IQUB: variants seen among roughly 807,000 people sequenced by gnomAD.
IQUB encodes the protein IQ motif and ubiquitin domain containing.
In IQUB, 86 loss-of-function variants were observed where a neutral mutation model predicts 86.4. The ratio of observed to expected loss-of-function variants is 1.00; its 90% CI spans 0.84 to 1.19. The LOEUF (loss-of-function observed/expected upper bound fraction) is 1.19. Ranked by LOEUF, IQUB falls within the 50% of genes most tolerant of loss-of-function variation. IQUB has a pLI of 0.00. For missense variants in IQUB, 946 were observed against 916.9 expected (o/e 1.03, Z -0.41); for synonymous variants, 289 against 304.5 (o/e 0.95, Z 0.53).
intron 7 of IQUB, among the ~76,000 whole-genome samples, chr7:123,491,783 C>T (rs995944137): frequency 6.6e-6 from 1 of 152,148 alleles, no homozygotes; most frequent in African/African-American, 2.4e-5. Flanking sequence ...TCTACACGAA[C>T]TGTTTTAGAA....
chr7:123,468,456 C>T (rs768099299), intron 9 of IQUB, among the ~76,000 whole-genome samples: 1 of 152,198 alleles, frequency 6.6e-6, no homozygotes. Context: ...TGACAACTCT[C>T]AAGCGAGGCT....
chr7:123,520,823 C>T (rs1796870380), intron 1 of IQUB, among the ~76,000 whole-genome samples: 1 of 151,920 alleles, frequency 6.6e-6, no homozygotes, highest in African/African-American at 2.4e-5. Context: ...TGACTGGATT[C>T]TGGATATATT....
chr7:123,478,281 A>T (rs1794835020), intron 8 of IQUB, among the ~76,000 whole-genome samples: 1 of 152,132 alleles, frequency 6.6e-6, no homozygotes, highest in Admixed American at 6.5e-5. Flanking sequence ...CTTTGCAGGG[A>T]TGAAGCTGGA....
chr7:123,499,774 A>T (rs573960504), intron 6 of IQUB, among the ~76,000 whole-genome samples: 2 of 152,206 alleles, frequency 1.3e-5, no homozygotes, highest in Admixed American at 6.5e-5. Context: ...TGTGAACCAG[A>T]GCAACTCCAT....
At chr7:123,510,082 G>T (rs746370126) in intron 2 of IQUB, 47 bp from the exon 3 acceptor site, 2 of 1,297,372 alleles carry the variant, frequency 1.5e-6, no homozygotes, top group Non-Finnish European at 2.2e-6. Context: ...ATATAGCAAA[G>T]GTCAGCAAAC....
chr7:123,523,920 A>G (rs1251423931), intron 1 of IQUB, among the ~76,000 whole-genome samples: 4 of 152,224 alleles, frequency 2.6e-5, no homozygotes, highest in Non-Finnish European at 5.9e-5. Context: ...CTTTCTCCAT[A>G]TGGCTAGCCA....
Position 123,512,267 on chromosome 7 carries a change from T to C in IQUB, c.74A>G (p.Asp25Gly). Residue 25 changes from aspartate to glycine, a missense_variant, in exon 2 of 13, where the codon GAT becomes GGT. Physicochemically the swap from Asp to Gly is moderately conservative, Grantham distance 94. Transcript: ENST00000324698. ...NSTEESDDAF[D>G]TVTIPVPSEE... ...TGAGGGAACTGGAATAGTGACAGTA[T>C]CAAAAGCATCATCACTCTCTTCTGT... 2 of 1,611,724 alleles carry C rather than the reference T, an allele frequency of 1.2e-6. No homozygotes were observed. Among genetic ancestry groups the C allele is most frequent in the Middle Eastern group, 1.7e-4 (1 of 6,056 alleles).
Position 123,525,261 on chromosome 7 carries a change from G to C in IQUB, c.-5+9231C>G, listed in dbSNP as rs555418120. 7.2e-4 allele frequency among the ~76,000 whole-genome samples: 110 copies of C among 152,132 alleles called. 3 individuals carry two copies. In the South Asian group the frequency reaches 0.022, roughly 31 times the overall value. ...CCCTCTTTTTCTATTGATCGGAATAGTTTCAGAAGGAATGGTACCATTTCC... is the reference window on the plus strand; with the variant it reads ...CCCTCTTTTTCTATTGATCGGAATACTTTCAGAAGGAATGGTACCATTTCC... On this transcript the variant is annotated intron_variant, in intron 1 of 12. Coordinates refer to ENST00000324698, the MANE Select transcript of IQUB (RefSeq NM_178827.5).
At chr7:123,482,713 G>C (rs1388314313) in intron 7 of IQUB, among the ~76,000 whole-genome samples, 1 of 151,968 alleles carries the variant, frequency 6.6e-6, no homozygotes, top group East Asian at 1.9e-4. Flanking sequence ...AAGTAGGAGG[G>C]ATTTATAAAA....
chr7:123,467,679 T>G (rs1794326086), intron 9 of IQUB, among the ~76,000 whole-genome samples: 1 of 152,206 alleles, frequency 6.6e-6, no homozygotes, highest in Non-Finnish European at 1.5e-5. Flanking sequence ...TGGCACAGCC[T>G]CACTACCCTT....
chr7:123,481,819 A>G (rs1795017795), intron 7 of IQUB, among the ~76,000 whole-genome samples: 1 of 152,178 alleles, frequency 6.6e-6, no homozygotes, highest in African/African-American at 2.4e-5. Context: ...GTTTATGCAA[A>G]AAAAGAAAAA....
chr7:123,510,109 A>G, intron 2 of IQUB, 74 bp from the exon 3 acceptor site: 3 of 898,924 alleles, frequency 3.3e-6, no homozygotes, highest in South Asian at 2.0e-5. Flanking sequence ...CCACAAACAG[A>G]TACAGAATTA....
intron 11 of IQUB, among the ~76,000 whole-genome samples, chr7:123,459,426 T>C (rs1159682637): frequency 6.6e-6 from 1 of 151,942 alleles, no homozygotes; most frequent in Non-Finnish European, 1.5e-5. Context: ...ATCCAATCAG[T>C]TGAAGGCCTG....
At chr7:123,502,850 C>A in intron 5 of IQUB, 94 bp downstream of exon 5, 1 of 1,371,578 alleles carries the variant, frequency 7.3e-7, no homozygotes, top group South Asian at 1.4e-5. Context: ...TATTAATTGC[C>A]ATATAATTAC....
chr7:123,455,910 A>G (rs906145321), intron 12 of IQUB, among the ~76,000 whole-genome samples: 10 of 152,086 alleles, frequency 6.6e-5, no homozygotes, highest in Non-Finnish European at 1.0e-4. Context: ...CACATTAACG[A>G]AAGTGTTTTT....
At chr7:123,510,255 T>C (rs1796360106) in intron 2 of IQUB, among the ~76,000 whole-genome samples, 1 of 152,076 alleles carries the variant, frequency 6.6e-6, no homozygotes, top group Non-Finnish European at 1.5e-5. Context: ...AATCAACCCA[T>C]AATCTCAAAA....
chr7:123,525,736 T>C (rs557297476), intron 1 of IQUB, among the ~76,000 whole-genome samples: 198 of 152,302 alleles, frequency 1.3e-3, no homozygotes, highest in African/African-American at 4.7e-3. Flanking sequence ...TTTCTTGCCT[T>C]CTGCTAGCTT....
intron 8 of IQUB, among the ~76,000 whole-genome samples, chr7:123,470,929 T>A (rs1246662561): frequency 6.6e-6 from 1 of 151,980 alleles, no homozygotes; most frequent in East Asian, 1.9e-4. Flanking sequence ...TTACAACTAA[T>A]TTTTTATATT....
chr7:123,521,023 G>T (rs897043964), intron 1 of IQUB, among the ~76,000 whole-genome samples: 1 of 152,136 alleles, frequency 6.6e-6, no homozygotes, highest in Admixed American at 6.5e-5. Flanking sequence ...CTGATTTGGG[G>T]TATGCTGAGT....
Sources: allele counts gnomAD v4.1 joint callset (sites outside exome capture counted in the v4.1 genomes callset), GRCh38; gene constraint gnomAD v4.1.1; transcripts MANE v1.5; gene names NCBI Gene and HGNC (gene_info 2026-07-23, HGNC 2026-07-21).